The following UBR1 variants were observed in gnomAD, a reference collection of about 807,000 sequenced individuals.
UBR1 encodes the protein ubiquitin protein ligase E3 component n-recognin 1.
UBR1 carries 102 observed loss-of-function variants against 242.1 expected under a neutral mutation model. The observed-to-expected ratio is 0.42, with a 90% CI of 0.36 to 0.50. The LOEUF (loss-of-function observed/expected upper bound fraction) is 0.50, where lower values mean the gene tolerates loss of function less well. UBR1 is among the 20% of genes least tolerant of loss of function. The pLI is 0.01. For missense variants in UBR1, 1,772 were observed against 2,101.8 expected (o/e 0.84, Z 3.07); for synonymous variants, 675 against 684.8 (o/e 0.99, Z 0.22).
chr15:43,019,581 GTT>G (rs1248631700), intron 27 of UBR1, among the ~76,000 whole-genome samples: 7 of 135,504 alleles, frequency 5.2e-5, no homozygotes, highest in Admixed American at 7.4e-5. Flanking sequence ...CTGGCTTCAG[GTT>G]TTTTTTTTTT....
chr15:43,102,322 A>G (rs986770910), intron 1 of UBR1, among the ~76,000 whole-genome samples: 2 of 152,200 alleles, frequency 1.3e-5, no homozygotes, highest in African/African-American at 2.4e-5. Context: ...TACAGCAGCA[A>G]CTTCTTAATT....
At chr15:43,035,088 G>T (rs866893456) in intron 19 of UBR1, among the ~76,000 whole-genome samples, 12 of 152,174 alleles carry the variant, frequency 7.9e-5, no homozygotes, top group Middle Eastern at 3.4e-3. Context: ...ATCCTATATA[G>T]TTATTAAAAA....
At chr15:43,038,292 A>C in intron 15 of UBR1, 60 bp from the exon 16 acceptor site, 1 of 1,526,820 alleles carries the variant, frequency 6.5e-7, no homozygotes. Context: ...TAACTAGTTA[A>C]CTCATCAAGT....
chr15:42,974,743 G>C (rs1467641801), intron 39 of UBR1, among the ~76,000 whole-genome samples: 1 of 152,038 alleles, frequency 6.6e-6, no homozygotes, highest in Non-Finnish European at 1.5e-5. Flanking sequence ...CAAACGGCTG[G>C]GACTATAGGC....
At position 42,958,011 on chromosome 15, in the gene UBR1, A is replaced by C; in HGVS notation, c.4835+2T>G. 6.2e-7 allele frequency: 1 copy of C among 1,610,394 alleles called. No individual in the cohort carries two copies. Among genetic ancestry groups the C allele is most frequent in the Non-Finnish European group, 8.5e-7 (1 of 1,177,176 alleles). ...ACACATATATATACACACTCTCCTT[A>C]CCTGAAATGAGAAGCTTGATTCAGG... On this transcript the variant is annotated splice_donor_variant, in intron 44 of 46. Coordinates refer to ENST00000290650, the MANE Select transcript of UBR1 (RefSeq NM_174916.3). LOFTEE classifies it high-confidence loss of function.
At chr15:43,067,784 A>G (rs2033772042) in intron 6 of UBR1, 114 bp downstream of exon 6, 1 of 1,242,356 alleles carries the variant, frequency 8.0e-7, no homozygotes, top group Non-Finnish European at 1.2e-6. Context: ...GATGTAAGGA[A>G]TAAATGGAGA....
chr15:42,982,696 A>G (rs570645492), intron 37 of UBR1, among the ~76,000 whole-genome samples: 2 of 152,226 alleles, frequency 1.3e-5, no homozygotes, highest in African/African-American at 4.8e-5. Flanking sequence ...TATTGGCTTC[A>G]ATAGATTTTC....
At position 43,021,309 on chromosome 15, in the gene UBR1, T is replaced by C. The variant is rs145788329; in HGVS notation, c.2906A>G (p.Glu969Gly). The C allele has an allele frequency of 1.2e-6, 2 of 1,613,688 alleles. No homozygotes were observed. Among genetic ancestry groups the C allele is most frequent in the Non-Finnish European group, 1.7e-6 (2 of 1,179,840 alleles). ...CCACGTTATCATGTCCTTCTGGCCT[T>C]CTAACTGGGGAATTCCTTTGAGTTT... ...LEKLKGIPQLEGQKDMITWIL... is the reference protein window; with the variant it reads ...LEKLKGIPQLGGQKDMITWIL... The change falls in exon 27 of 47, where the codon GAA (glutamate) becomes GGA (glycine). Residue 969 changes from glutamate (E) to glycine (G), a missense_variant. Around this residue, in one of 3 missense-constraint regions of UBR1, gnomAD observed 965 missense variants for 1,079.7 expected, o/e 0.89. Coordinates refer to ENST00000290650, the MANE Select transcript of UBR1 (RefSeq NM_174916.3).
intron 12 of UBR1, among the ~76,000 whole-genome samples, chr15:43,053,471 G>GT (rs2033580383): frequency 6.6e-6 from 1 of 152,150 alleles, no homozygotes. Flanking sequence ...TGTACAACAT[G>GT]TAAGTTTTGC....
At chr15:42,962,085 T>C (rs1252154695) in intron 42 of UBR1, among the ~76,000 whole-genome samples, 1 of 150,804 alleles carries the variant, frequency 6.6e-6, no homozygotes, top group Non-Finnish European at 1.5e-5. Flanking sequence ...TTTGCCCCTT[T>C]TCTTCTCCCT....
chr15:43,031,608 T>C (rs1430494778), intron 20 of UBR1, among the ~76,000 whole-genome samples: 2 of 152,140 alleles, frequency 1.3e-5, no homozygotes, highest in African/African-American at 2.4e-5. Flanking sequence ...AAACAATAAG[T>C]AAAAATGAAT....
rs758431812 is a variant in UBR1 at position 43,015,823 on chromosome 15, G to A, written c.3074C>T (p.Ala1025Val). Residue 1025 changes from alanine (A) to valine (V), a missense_variant, in exon 29 of 47, where the codon GCT becomes GTT. Coordinates refer to ENST00000290650, the MANE Select transcript of UBR1 (RefSeq NM_174916.3). ...EKAERKRKAE[A>V]ARLHRQKIMA... ...GATCTTCTGGCGATGTAGCCTAGCA[G>A]CTTCAGCTTTTCTTTTTCGTTCTGC... 1.2e-6 allele frequency: 2 copies of A among 1,614,152 alleles called. No individual in the cohort carries two copies. The highest frequency in any genetic ancestry group is 1.7e-6 in the Non-Finnish European group (2 of 1,180,034).
intron 17 of UBR1, 152 bp downstream of exon 17, chr15:43,037,621 T>C (rs2033353957): frequency 4.4e-6 from 3 of 682,812 alleles, no homozygotes; most frequent in South Asian, 3.4e-5. Context: ...GAAATGTCTA[T>C]ATAGTTCCTA....
intron 43 of UBR1, 99 bp from the exon 44 acceptor site, chr15:42,958,189 G>C (rs2031955038): frequency 2.4e-6 from 2 of 820,240 alleles, no homozygotes; most frequent in South Asian, 2.9e-5. Context: ...ATAACAAAAG[G>C]ATCTACACTT....
chr15:43,080,728 G>A (rs1247220633), intron 3 of UBR1, among the ~76,000 whole-genome samples: 2 of 152,290 alleles, frequency 1.3e-5, no homozygotes, highest in Non-Finnish European at 2.9e-5. Context: ...GCCGAGGTGG[G>A]TGGATCACTT....
At chr15:43,061,988 A>G (rs1038474459) in intron 6 of UBR1, among the ~76,000 whole-genome samples, 8 of 152,200 alleles carry the variant, frequency 5.3e-5, no homozygotes, top group African/African-American at 1.9e-4. Flanking sequence ...AAAAAAAATA[A>G]TAATAACAAG....
At chr15:43,072,067 G>A in intron 4 of UBR1, among the ~76,000 whole-genome samples, 1 of 152,130 alleles carries the variant, frequency 6.6e-6, no homozygotes. Flanking sequence ...TTTTTGTAGA[G>A]ATAGGGTCTC....
intron 37 of UBR1, among the ~76,000 whole-genome samples, chr15:42,981,049 C>T (rs538597720): frequency 3.9e-5 from 6 of 152,214 alleles, no homozygotes; most frequent in African/African-American, 1.4e-4. Flanking sequence ...CCAGCCCACC[C>T]CAACGTCTTC....
Position 43,007,150 on chromosome 15 carries a change from A to G in UBR1, c.3344T>C (p.Val1115Ala). 6.2e-7 allele frequency: 1 copy of G among 1,614,118 alleles called. No homozygotes were observed. The highest frequency in any genetic ancestry group is 8.5e-7 in the Non-Finnish European group (1 of 1,180,002). The change falls in exon 30 of 47, where the codon GTA (valine) becomes GCA (alanine). Residue 1115 changes from valine to alanine, a missense_variant. By Grantham distance (64) the Val-to-Ala change is moderately conservative. Around this residue, in one of 3 missense-constraint regions of UBR1, gnomAD observed 965 missense variants for 1,079.7 expected, o/e 0.89. Coordinates refer to ENST00000290650, the MANE Select transcript of UBR1 (RefSeq NM_174916.3). Reference protein sequence around the residue: ...QEVKIENNAMVLSACVQKSTA... With the variant: ...QEVKIENNAMALSACVQKSTA... ...AGATTTCTGGACACAGGCCGATAATACCATGGCATTATTTTCTATTTTCAC... is the reference window on the plus strand; with the variant it reads ...AGATTTCTGGACACAGGCCGATAATGCCATGGCATTATTTTCTATTTTCAC...
Sources: gnomAD v4.1 joint callset for allele counts (sites outside exome capture counted in the v4.1 genomes callset) on GRCh38, gnomAD v4.1.1 for gene constraint, gnomAD v4.1.1 regional missense constraint, MANE v1.5 for transcripts, NCBI Gene and HGNC (gene_info 2026-07-23, HGNC 2026-07-21) for gene names.